Variants in CCDC40 observed in about 807,000 individuals in gnomAD.
The protein encoded by CCDC40 is coiled-coil domain 40 molecular ruler complex subunit.
CCDC40 carries 104 observed loss-of-function variants against 124.5 expected under a neutral mutation model. The observed-to-expected ratio is 0.84, with a 90% confidence interval of 0.71 to 0.98. The LOEUF is 0.98. Among genes scored for constraint, CCDC40 ranks in the 50% least tolerant of loss-of-function variants. The pLI, the probability that CCDC40 is intolerant of heterozygous loss-of-function variation, is 0.00. For missense variants in CCDC40, 1,463 were observed against 1,503.9 expected (o/e 0.97, Z 0.45); for synonymous variants, 580 against 602.9 (o/e 0.96, Z 0.56).
chr17:80,058,613 A>G lies in CCDC40; in HGVS notation c.1279A>G (p.Thr427Ala). 5 of 1,614,242 alleles carry G rather than the reference A, an allele frequency of 3.1e-6. No homozygotes were observed. The highest frequency in any genetic ancestry group is 4.2e-6 in the Non-Finnish European group (5 of 1,180,046). ...VMTQVVKKAE[T>A]ERIRAEIEKK... is the part of the protein sequence containing the mutation. Reference sequence around the variant, plus strand: ...GACACAAGTGGTAAAGAAGGCCGAGACGGAGAGGATCCGGGCAGAAATCGA... The same window carrying G: ...GACACAAGTGGTAAAGAAGGCCGAGGCGGAGAGGATCCGGGCAGAAATCGA... The change falls in exon 8 of 20, where the codon ACG (threonine) becomes GCG (alanine). Residue 427 changes from threonine to alanine, a missense_variant. Transcript: ENST00000397545. This position sits in a 1 kb window ranked among gnomAD's most constrained non-coding sequence, Gnocchi z 4.2.
Position 80,086,313 on chromosome 17 carries a change from G to C in CCDC40, c.2449+97G>C, listed in dbSNP as rs553278772. 1.0e-6 allele frequency: 1 copy of C among 957,924 alleles called. No homozygotes were observed. The highest frequency in any genetic ancestry group is 2.0e-5 in the Admixed American group (1 of 49,126). The allele number at this position is 957,924 out of a possible 1,614,324, so 59.3% of individuals were successfully genotyped here. A position where few individuals can be genotyped will look rare whatever the true frequency, so the allele number is the denominator to read the frequency against. On this transcript the variant is annotated intron_variant, in intron 14 of 19. Coordinates refer to ENST00000397545, the MANE Select transcript of CCDC40 (RefSeq NM_017950.4). The surrounding 1 kb of genome is among the most constrained non-coding windows in gnomAD (Gnocchi z 5.5). ...GGGGCACTCAGTGGGGCACGTCGCT[G>C]GATTTGCACGCAGCCTTAAAAGCAA...
At position 80,058,745 on chromosome 17, in the gene CCDC40, C is replaced by T. The variant is rs929127595; in HGVS notation, c.1317+94C>T. 9.4e-6 allele frequency: 15 copies of T among 1,603,848 alleles called. No individual in the cohort carries two copies. The highest frequency in any genetic ancestry group is 5.4e-5 in the African/African-American group (4 of 74,666). On this transcript the variant is annotated intron_variant, in intron 8 of 19. Transcript: ENST00000397545. This position sits in a 1 kb window ranked among gnomAD's most constrained non-coding sequence, Gnocchi z 4.2. ...TGCCTCCTGCGTGAAGGCTTCCGGCCGGAGGGGTGGCGGCCGGCCTGGGTG... is the reference window on the plus strand; with the variant it reads ...TGCCTCCTGCGTGAAGGCTTCCGGCTGGAGGGGTGGCGGCCGGCCTGGGTG...
chr17:80,060,978 TG>T, intron 9 of CCDC40, among the ~76,000 whole-genome samples: 1 of 152,098 alleles, frequency 6.6e-6, no homozygotes, highest in East Asian at 1.9e-4. Flanking sequence ...CGAAAACAAA[TG>T]AAAATATTTA....
intron 17 of CCDC40, among the ~76,000 whole-genome samples, chr17:80,091,758 C>T (rs191249184): frequency 2.1e-4 from 32 of 152,266 alleles, no homozygotes; most frequent in Admixed American, 1.8e-3. Flanking sequence ...TAATCACATC[C>T]TTCCTTACTG....
chr17:80,041,499 C>G (rs1002170730), intron 3 of CCDC40, among the ~76,000 whole-genome samples: 1 of 144,628 alleles, frequency 6.9e-6, no homozygotes, highest in African/African-American at 2.7e-5. Context: ...CAGAGCGAGA[C>G]TCTGTCTCAA....
intron 3 of CCDC40, 200 bp downstream of exon 3, chr17:80,040,470 G>T (rs1481486424): frequency 3.3e-6 from 2 of 600,342 alleles, no homozygotes; most frequent in Non-Finnish European, 5.9e-6. Flanking sequence ...CCTGAGGTCA[G>T]GAGTTCGAGA....
At chr17:80,054,036 C>G (rs1251712014) in intron 7 of CCDC40, among the ~76,000 whole-genome samples, 1 of 152,078 alleles carries the variant, frequency 6.6e-6, no homozygotes, top group Non-Finnish European at 1.5e-5. Flanking sequence ...AACAGACATT[C>G]TATTCGAGAA....
intron 7 of CCDC40, among the ~76,000 whole-genome samples, chr17:80,054,040 T>C (rs62074549): frequency 0.092 from 14,067 of 152,114 alleles, 686 homozygotes; most frequent in Middle Eastern, 0.13. Context: ...GACATTCTAT[T>C]CGAGAAGCTA....
intron 19 of CCDC40, among the ~76,000 whole-genome samples, chr17:80,098,251 G>C (rs764445326): frequency 2.0e-5 from 3 of 152,218 alleles, no homozygotes; most frequent in Non-Finnish European, 2.9e-5. Context: ...AGAGAGGGGC[G>C]GCCCAGACTG....
chr17:80,067,518 C>T (rs542413489), intron 10 of CCDC40: 35 of 1,356,966 alleles, frequency 2.6e-5, no homozygotes, highest in African/African-American at 1.7e-4. Flanking sequence ...GTCCCTAGAG[C>T]GCTTCCCAAG....
chr17:80,099,962 G>A lies in CCDC40; in HGVS notation c.*187G>A, dbSNP rs1598560459. 6.1e-6 allele frequency: 4 copies of A among 651,932 alleles called. No homozygotes were observed. Among genetic ancestry groups the A allele is most frequent in the South Asian group, 1.9e-5 (1 of 52,376 alleles). The allele number at this position is 651,932 out of a possible 1,614,324, so 40.4% of individuals were successfully genotyped here. ...AGCCACTCAGCAATTTAATAAACCAGGTAAAATCCTAGCGTTTCCCATGGC... is the reference window on the plus strand; with the variant it reads ...AGCCACTCAGCAATTTAATAAACCAAGTAAAATCCTAGCGTTTCCCATGGC... On this transcript the variant is annotated 3_prime_UTR_variant, in exon 20 of 20. Transcript: ENST00000397545.
At chr17:80,090,654 C>A in intron 17 of CCDC40, 1 of 1,438,842 alleles carries the variant, frequency 7.0e-7, no homozygotes, top group East Asian at 2.5e-5. Flanking sequence ...CCCATCTCAT[C>A]CTTCACAGCC....
At chr17:80,056,501 C>T (rs994072792) in intron 7 of CCDC40, among the ~76,000 whole-genome samples, 35 of 151,938 alleles carry the variant, frequency 2.3e-4, no homozygotes, top group African/African-American at 8.5e-4. Context: ...GTGGCATGTG[C>T]CTGGAGTCCC....
chr17:80,068,920 A>C (rs191755813), intron 10 of CCDC40, among the ~76,000 whole-genome samples: 45 of 152,362 alleles, frequency 3.0e-4, no homozygotes, highest in Admixed American at 1.2e-3. Flanking sequence ...CTGCTCAGGG[A>C]CCGGCTAGAG....
intron 4 of CCDC40, among the ~76,000 whole-genome samples, chr17:80,047,654 T>C (rs1215661322): frequency 1.3e-5 from 2 of 152,202 alleles, no homozygotes; most frequent in Non-Finnish European, 2.9e-5. Context: ...CCTAAGGCCA[T>C]TAAGGAACTG....
In CCDC40 at chr17:80,058,684, C is replaced by T. The variant is rs774870238; in HGVS notation, c.1317+33C>T. On this transcript the variant is annotated intron_variant, in intron 8 of 19. Transcript: ENST00000397545. This position sits in a 1 kb window ranked among gnomAD's most constrained non-coding sequence, Gnocchi z 4.2. ...GCAAACTCGACACATGTTTAATGATCACCAGACCGTGGAGCTTCAAAAAGG... is the reference window on the plus strand; with the variant it reads ...GCAAACTCGACACATGTTTAATGATTACCAGACCGTGGAGCTTCAAAAAGG... 13 of 1,612,830 alleles carry T rather than the reference C, an allele frequency of 8.1e-6. No individual in the cohort carries two copies. Among genetic ancestry groups the T allele is most frequent in the Middle Eastern group, 3.3e-4 (2 of 6,062 alleles).
rs2038580750 is a variant in CCDC40 at position 80,086,084 on chromosome 17, G to A, written c.2317G>A (p.Ala773Thr). 1 of 1,614,144 alleles carries A rather than the reference G, an allele frequency of 6.2e-7. No individual in the cohort carries two copies. Among genetic ancestry groups the A allele is most frequent in the Non-Finnish European group, 8.5e-7 (1 of 1,180,028 alleles). Residue 773 changes from alanine to threonine, a missense_variant, in exon 14 of 20, where the codon GCC becomes ACC. By Grantham distance (58) the Ala-to-Thr change is moderately conservative. Coordinates refer to ENST00000397545, the MANE Select transcript of CCDC40 (RefSeq NM_017950.4). The surrounding 1 kb of genome is among the most constrained non-coding windows in gnomAD (Gnocchi z 5.5). ...IDEHDGKAVQ[A>T]QVTWLRLQQE... ...CGAGCACGATGGCAAGGCGGTCCAG[G>A]CCCAGGTGACCTGGCTGCGCCTGCA...
chr17:80,066,105 C>T lies in CCDC40; in HGVS notation c.1562+499C>T, dbSNP rs764618733. On this transcript the variant is annotated intron_variant, in intron 10 of 19. Transcript: ENST00000397545. This position sits in a 1 kb window ranked among gnomAD's most constrained non-coding sequence, Gnocchi z 4.4. ...CAGGGCGTTGGAGACACAGGTGCTG[C>T]CTTCATTCCTAAAACCACCCAGGGT... The T allele has an allele frequency of 1.4e-6, 1 of 702,996 alleles. No homozygotes were observed. The highest frequency in any genetic ancestry group is 1.5e-5 in the South Asian group (1 of 67,598). The allele number at this position is 702,996 out of a possible 1,614,324, so 43.5% of individuals were successfully genotyped here.
rs114892048 is a variant in CCDC40 at position 80,100,158 on chromosome 17, G to A, written c.*383G>A. The A allele has an allele frequency of 2.0e-3, 623 of 307,564 alleles. 2 individuals are homozygous for A. The highest frequency in any genetic ancestry group is 3.0e-3 in the Non-Finnish European group (473 of 158,290). 19.1% of individuals were successfully genotyped at this position (307,564 alleles called of 1,614,324 possible). A position where few individuals can be genotyped will look rare whatever the true frequency, so the allele number is the denominator to read the frequency against. On this transcript the variant is annotated 3_prime_UTR_variant, in exon 20 of 20. Transcript: ENST00000397545. ...AAGCTGGTGGGCTGAGCAGAGGTGG[G>A]AAAGTTAAGGCAGCTCCAGCCAGCC...
Sources: allele counts gnomAD v4.1 joint callset (sites outside exome capture counted in the v4.1 genomes callset), GRCh38; gene constraint gnomAD v4.1.1; non-coding constraint Gnocchi (gnomAD v3.1); transcripts MANE v1.5; gene names NCBI Gene and HGNC (gene_info 2026-07-23, HGNC 2026-07-21).